RNF19A: variants seen among roughly 807,000 people sequenced by gnomAD.
The protein encoded by RNF19A is E3 ubiquitin-protein ligase RNF19A.
A neutral mutation model predicts 75.7 loss-of-function variants in RNF19A; 32 were observed. The ratio of observed to expected loss-of-function variants is 0.42; its 90% CI spans 0.32 to 0.57. RNF19A has a LOEUF of 0.57. Ranked by LOEUF, RNF19A falls within the 20% of genes least tolerant of loss-of-function variation. The pLI is 0.10. For synonymous variants in RNF19A, 335 were observed against 345.2 expected (o/e 0.97, Z 0.33); for missense variants, 782 against 1,036.3 (o/e 0.75, Z 3.37).
chr8:100,303,144 T>C (rs1821915206), intron 1 of RNF19A: 2 of 152,256 alleles, frequency 1.3e-5, no homozygotes. Flanking sequence ...CTTAAGACAA[T>C]GGACATTTCT....
chr8:100,310,065 G>A, upstream of RNF19A: 2 of 985,146 alleles, frequency 2.0e-6, no homozygotes, highest in Non-Finnish European at 2.4e-6. Context: ...GTTGTGGCTC[G>A]ACGGCTGCTC....
chr8:100,297,039 A>G (rs1821597687), intron 1 of RNF19A, among the ~76,000 whole-genome samples: 1 of 152,254 alleles, frequency 6.6e-6, no homozygotes, highest in Admixed American at 6.5e-5. Context: ...ACAGGTGACC[A>G]TAAATATGTC....
intron 1 of RNF19A, among the ~76,000 whole-genome samples, chr8:100,304,460 C>T (rs1434600702): frequency 1.3e-5 from 2 of 152,086 alleles, no homozygotes; most frequent in Non-Finnish European, 2.9e-5. Context: ...TTATTTTCCC[C>T]ACTTACGCAC....
chr8:100,266,051 C>G (rs1051158198), intron 5 of RNF19A, among the ~76,000 whole-genome samples: 2 of 152,234 alleles, frequency 1.3e-5, no homozygotes, highest in African/African-American at 4.8e-5. Context: ...AAGGAGTCTT[C>G]TAGAAAATTT....
intron 1 of RNF19A, among the ~76,000 whole-genome samples, chr8:100,292,468 G>GTGTA (rs1821352784): frequency 6.6e-6 from 1 of 151,524 alleles, no homozygotes; most frequent in Non-Finnish European, 1.5e-5. Flanking sequence ...GTGTGTGTGT[G>GTGTA]TACGTATAAA....
intron 1 of RNF19A, among the ~76,000 whole-genome samples, chr8:100,292,197 A>C (rs1230512056): frequency 6.6e-6 from 1 of 152,216 alleles, no homozygotes; most frequent in Non-Finnish European, 1.5e-5. Flanking sequence ...TGTTGAGAAG[A>C]TAATAAAGAA....
rs572326470 is a variant in RNF19A, at chr8:100,284,175, T to C, written c.674+3326A>G. Among the ~76,000 whole-genome samples the C allele has an allele frequency of 1.3e-5, 2 of 152,182 alleles. No individual in the cohort carries two copies. The highest frequency in any genetic ancestry group is 4.8e-5 in the African/African-American group (2 of 41,532). On this transcript the variant is annotated intron_variant, in intron 2 of 9. Transcript: ENST00000341084. The surrounding 1 kb of genome is among the most constrained non-coding windows in gnomAD (Gnocchi z 4.3). ...TGTGTGCTAGGAATTTTGCTAGTAA[T>C]AGCATTAAAGATCTCACTTAATCCT...
intron 2 of RNF19A, among the ~76,000 whole-genome samples, chr8:100,282,320 CAAAA>C (rs1463393555): frequency 6.6e-6 from 1 of 152,080 alleles, no homozygotes; most frequent in Non-Finnish European, 1.5e-5. Flanking sequence ...CATCCCTAGT[CAAAA>C]AATTCAAAAT....
intron 2 of RNF19A, among the ~76,000 whole-genome samples, chr8:100,276,186 T>G (rs1164694351): frequency 6.6e-6 from 1 of 152,110 alleles, no homozygotes; most frequent in Non-Finnish European, 1.5e-5. Context: ...TAACCAAAAC[T>G]GGAATGAGCC....
At chr8:100,310,224 C>T, upstream of RNF19A, 1 of 985,202 alleles carries the variant, frequency 1.0e-6, no homozygotes, top group Non-Finnish European at 1.2e-6. Flanking sequence ...CCCACCGGGC[C>T]CGCTGCGGGC....
At chr8:100,316,745 G>A (rs1270252780) in intron 1 of RNF19A, among the ~76,000 whole-genome samples, 1 of 152,246 alleles carries the variant, frequency 6.6e-6, no homozygotes, top group Non-Finnish European at 1.5e-5. Context: ...AGTTGGAGCT[G>A]CCTGCCAGTC....
rs1388140562 is a variant in RNF19A, at chr8:100,323,044, T to C, written c.-242-9672A>G. Among the ~76,000 whole-genome samples, 2 of 151,892 alleles carry C rather than the reference T, an allele frequency of 1.3e-5. No individual in the cohort carries two copies. Among genetic ancestry groups the C allele is most frequent in the Non-Finnish European group, 2.9e-5 (2 of 68,006 alleles). On this transcript the variant is annotated intron_variant, in intron 1 of 3. Coordinates refer to the RNF19A transcript ENST00000519527. This position sits in a 1 kb window ranked among gnomAD's most constrained non-coding sequence, Gnocchi z 4.6. Reference sequence around the variant, plus strand: ...GAAATGAGCACAGGCTGCCGAAAAATGTTGCCAATAGACTCGCTGGTTGCA... The same window carrying C: ...GAAATGAGCACAGGCTGCCGAAAAACGTTGCCAATAGACTCGCTGGTTGCA...
At chr8:100,335,731 A>C (rs1312551572) in intron 1 of RNF19A, among the ~76,000 whole-genome samples, 1 of 151,940 alleles carries the variant, frequency 6.6e-6, no homozygotes, top group African/African-American at 2.4e-5. Context: ...GAGTTGGGTC[A>C]CTCTTACCCA....
At chr8:100,327,408 T>C (rs1009600256) in intron 1 of RNF19A, among the ~76,000 whole-genome samples, 8 of 151,868 alleles carry the variant, frequency 5.3e-5, no homozygotes, top group African/African-American at 1.2e-4. Context: ...TGTGCCACCA[T>C]GCCCAGCTAA....
chr8:100,267,396 A>G (rs944552959), intron 5 of RNF19A, among the ~76,000 whole-genome samples: 1 of 152,036 alleles, frequency 6.6e-6, no homozygotes, highest in African/African-American at 2.4e-5. Context: ...TAGAGATAGG[A>G]TCTTGCTCTA....
At chr8:100,295,144 C>T (rs1165090791) in intron 1 of RNF19A, among the ~76,000 whole-genome samples, 1 of 152,126 alleles carries the variant, frequency 6.6e-6, no homozygotes, top group East Asian at 1.9e-4. Flanking sequence ...ACATGAATGA[C>T]TTTGCAAGGA....
Position 100,264,815 on chromosome 8 carries a change from T to A in RNF19A, c.1192-30A>T. 1 of 1,462,514 alleles carries A rather than the reference T, an allele frequency of 6.8e-7. No homozygotes were observed. Among genetic ancestry groups the A allele is most frequent in the Admixed American group, 1.7e-5 (1 of 58,956 alleles). 90.6% of individuals were successfully genotyped at this position (1,462,514 alleles called of 1,614,324 possible). ...AATTAATAAAAATAGGGGTGGGGGA[T>A]TAAAGAGAAAATACATTACAATTTA... On this transcript the variant is annotated intron_variant, in intron 5 of 9. Coordinates refer to ENST00000341084, the MANE Select transcript of RNF19A (RefSeq NM_183419.4). This position sits in a 1 kb window ranked among gnomAD's most constrained non-coding sequence, Gnocchi z 4.7.
At position 100,258,680 on chromosome 8, in the gene RNF19A, T is replaced by A; in HGVS notation, c.2393A>T (p.Glu798Val). The change falls in exon 10 of 10, where the codon GAA becomes GTA. Residue 798 changes from glutamate (E) to valine (V), a missense_variant. Coordinates refer to ENST00000341084, the MANE Select transcript of RNF19A (RefSeq NM_183419.4). The surrounding 1 kb of genome is among the most constrained non-coding windows in gnomAD (Gnocchi z 4.3). ...AGGTTTTATTCCATTGTTACCATGT[T>A]CTTCAGCAATATGATTCAACTGTGA... ...EVSQLNHIAE[E>V]HGNNGIKPNV... 6.2e-7 allele frequency: 1 copy of A among 1,614,190 alleles called. No individual in the cohort carries two copies. Among genetic ancestry groups the A allele is most frequent in the South Asian group, 1.1e-5 (1 of 91,078 alleles).
At position 100,330,599 on chromosome 8, in the gene RNF19A, A is replaced by G. The variant is rs909552982; in HGVS notation, c.-243+5509T>C. On this transcript the variant is annotated intron_variant, in intron 1 of 3. Transcript: ENST00000519527. This position sits in a 1 kb window ranked among gnomAD's most constrained non-coding sequence, Gnocchi z 4.1. ...GTCTGCAAGAGAATAAAGCCAACACAGAAAAGTGGGTGTTGGGGAGGGTGG... is the reference window on the plus strand; with the variant it reads ...GTCTGCAAGAGAATAAAGCCAACACGGAAAAGTGGGTGTTGGGGAGGGTGG... Among the ~76,000 whole-genome samples, 6 of 152,248 alleles carry G rather than the reference A, an allele frequency of 3.9e-5. No individual in the cohort carries two copies. The highest frequency in any genetic ancestry group is 1.4e-4 in the African/African-American group (6 of 41,458).
Sources: allele counts gnomAD v4.1 joint callset (sites outside exome capture counted in the v4.1 genomes callset), GRCh38; gene constraint gnomAD v4.1.1; non-coding constraint Gnocchi (gnomAD v3.1); transcripts MANE v1.5; gene names NCBI Gene and HGNC (gene_info 2026-07-23, HGNC 2026-07-21).